The following AK3 variants were observed in gnomAD, a reference collection of about 807,000 sequenced individuals.
AK3 encodes the protein adenylate kinase 3.
Under a neutral mutation model 23.7 loss-of-function variants are expected in AK3, and 27 were observed. The ratio of observed to expected loss-of-function variants is 1.14; its 90% CI spans 0.84 to 1.57. The LOEUF (loss-of-function observed/expected upper bound fraction) is 1.57. AK3 is among the 40% of genes most tolerant of loss of function. AK3 has a pLI of 0.00. For synonymous variants in AK3, 159 were observed against 116.0 expected (o/e 1.37, Z -2.38); for missense variants, 406 against 285.6 (o/e 1.42, Z -3.04).
At chr9:4,717,370 T>TGCAGACAAAACAAGA (rs982039311) in intron 4 of AK3, among the ~76,000 whole-genome samples, 1 of 152,226 alleles carries the variant, frequency 6.6e-6, no homozygotes, top group South Asian at 2.1e-4. Flanking sequence ...CTATACGTGT[T>TGCAGACAAAACAAGA]GCAGACAAAA....
chr9:4,739,235 G>T (rs923339011), intron 1 of AK3, among the ~76,000 whole-genome samples: 5 of 151,620 alleles, frequency 3.3e-5, no homozygotes, highest in Non-Finnish European at 5.9e-5. Flanking sequence ...GTCTTGCTCA[G>T]GCTGGAGTGC....
chr9:4,716,072 T>C (rs913403937), intron 4 of AK3, among the ~76,000 whole-genome samples: 3 of 152,158 alleles, frequency 2.0e-5, no homozygotes, highest in African/African-American at 7.2e-5. Context: ...CACAGGACAA[T>C]GGAGCGGAGT....
At chr9:4,738,387 A>T (rs905929046) in intron 1 of AK3, among the ~76,000 whole-genome samples, 9 of 152,064 alleles carry the variant, frequency 5.9e-5, no homozygotes, top group Non-Finnish European at 1.0e-4. Flanking sequence ...GCTGGTCTTG[A>T]ACTCCTGACC....
intron 1 of AK3, among the ~76,000 whole-genome samples, chr9:4,736,948 G>C (rs1388036955): frequency 6.6e-6 from 1 of 152,146 alleles, no homozygotes; most frequent in Admixed American, 6.5e-5. Context: ...AAAGTGTTGA[G>C]ATTACAGGCA....
intron 1 of AK3, among the ~76,000 whole-genome samples, chr9:4,724,735 T>C (rs1455873353): frequency 6.6e-6 from 1 of 151,368 alleles, no homozygotes; most frequent in African/African-American, 2.4e-5. Context: ...GCCATGATCA[T>C]GCTACTGCAC....
At chr9:4,714,572 C>T (rs1443335318) in intron 4 of AK3, among the ~76,000 whole-genome samples, 3 of 152,052 alleles carry the variant, frequency 2.0e-5, no homozygotes, top group Non-Finnish European at 2.9e-5. Context: ...CTTGAAGAGC[C>T]GATTTAAAAA....
intron 1 of AK3, among the ~76,000 whole-genome samples, chr9:4,728,393 A>C (rs1238285564): frequency 6.6e-6 from 1 of 152,118 alleles, no homozygotes; most frequent in Non-Finnish European, 1.5e-5. Flanking sequence ...CAAAATGGTG[A>C]AACCCTGTCT....
At chr9:4,727,808 T>A (rs1842052796) in intron 1 of AK3, among the ~76,000 whole-genome samples, 1 of 152,198 alleles carries the variant, frequency 6.6e-6, no homozygotes, top group Non-Finnish European at 1.5e-5. Flanking sequence ...ATTTCTAGCT[T>A]TTGATTTAAA....
intron 1 of AK3, among the ~76,000 whole-genome samples, chr9:4,723,099 A>C (rs1162351294): frequency 6.6e-6 from 1 of 151,440 alleles, no homozygotes; most frequent in Non-Finnish European, 1.5e-5. Flanking sequence ...AAAGGTTACA[A>C]AATAATCTAA....
chr9:4,713,180 G>A, intron 4 of AK3, 84 bp from the exon 5 acceptor site: 3 of 1,508,698 alleles, frequency 2.0e-6, no homozygotes, highest in South Asian at 2.6e-5. Flanking sequence ...TGTAAATAAT[G>A]ATATTGTAGA....
chr9:4,719,011 A>G, intron 3 of AK3, 124 bp downstream of exon 3: 1 of 1,107,508 alleles, frequency 9.0e-7, no homozygotes, highest in African/African-American at 1.6e-5. Flanking sequence ...TCTACCAAGT[A>G]ACCTGAGAAT....
At chr9:4,730,241 C>A (rs2130901837) in intron 1 of AK3, among the ~76,000 whole-genome samples, 2 of 152,228 alleles carry the variant, frequency 1.3e-5, no homozygotes, top group Admixed American at 1.3e-4. Context: ...TAAAAATGTT[C>A]TAAAATTGAT....
Position 4,728,984 on chromosome 9 carries a change from T to TACACAC in AK3, c.152-6360_152-6359insGTGTGT, listed in dbSNP as rs1334819035. 8.3e-4 allele frequency among the ~76,000 whole-genome samples: 53 copies of TACACAC among 64,034 alleles called. 1 individual carries two copies. In the South Asian group the frequency reaches 0.022, roughly 27 times the overall value. 42.0% of individuals were successfully genotyped at this position (64,034 alleles called of 152,430 possible). On this transcript the variant is annotated intron_variant, in intron 1 of 4. Coordinates refer to ENST00000381809, the MANE Select transcript of AK3 (RefSeq NM_016282.4). ...ACATACATATATATACCTACATATA[T>TACACAC]ATACACACACACACATATATATATA...
chr9:4,735,478 A>ATATATATATATATATT (rs1295633089), intron 1 of AK3, among the ~76,000 whole-genome samples: 2 of 62,594 alleles, frequency 3.2e-5, no homozygotes, highest in African/African-American at 6.5e-5. Context: ...ATATATATAT[A>ATATATATATATATATT]TTTTTTTTTT....
At chr9:4,737,541 A>C (rs1295287867) in intron 1 of AK3, among the ~76,000 whole-genome samples, 2 of 152,138 alleles carry the variant, frequency 1.3e-5, no homozygotes, top group African/African-American at 4.8e-5. Flanking sequence ...CCAATACGGC[A>C]AAACCATCTC....
intron 4 of AK3, among the ~76,000 whole-genome samples, chr9:4,714,355 A>T (rs76249723): frequency 0.026 from 4,017 of 152,298 alleles, 187 homozygotes; most frequent in African/African-American, 0.089. Context: ...TTCACTAAGG[A>T]CAAAAGCATT....
intron 1 of AK3, among the ~76,000 whole-genome samples, chr9:4,733,673 T>C (rs1842206227): frequency 6.6e-6 from 1 of 152,210 alleles, no homozygotes; most frequent in Admixed American, 6.5e-5. Flanking sequence ...CCATTCACTC[T>C]GCTTCGGATA....
rs71326127 is a variant in AK3 at position 4,729,015 on chromosome 9, A to ATATATATATATATATTTT, written c.152-6391_152-6390insAAAATATATATATATATA. 2.2e-4 allele frequency among the ~76,000 whole-genome samples: 29 copies of ATATATATATATATATTTT among 129,428 alleles called. 1 individual carries two copies. Among genetic ancestry groups the ATATATATATATATATTTT allele is most frequent in the East Asian group, 9.6e-4 (4 of 4,172 alleles). 84.9% of individuals were successfully genotyped at this position (129,428 alleles called of 152,430 possible). A position where few individuals can be genotyped will look rare whatever the true frequency, so the allele number is the denominator to read the frequency against. ...CACACACACATATATATATATATATATTTTTTTTTTTTGAGACGGAATTTT... is the reference window on the plus strand; with the variant it reads ...CACACACACATATATATATATATATATATATATATATATATTTTTTTTTTTTTTTTGAGACGGAATTTT... On this transcript the variant is annotated intron_variant, in intron 1 of 4. Coordinates refer to ENST00000381809, the MANE Select transcript of AK3 (RefSeq NM_016282.4).
intron 1 of AK3, among the ~76,000 whole-genome samples, chr9:4,724,576 TGAGA>T (rs1325339810): frequency 6.6e-6 from 1 of 152,096 alleles, no homozygotes; most frequent in Non-Finnish European, 1.5e-5. Flanking sequence ...GCCAACGGTT[TGAGA>T]CCAGCTTAGG....
Sources: allele counts gnomAD v4.1 joint callset (sites outside exome capture counted in the v4.1 genomes callset), GRCh38; gene constraint gnomAD v4.1.1; transcripts MANE v1.5; gene names NCBI Gene and HGNC (gene_info 2026-07-23, HGNC 2026-07-21).